The following FAM9A variants were observed in gnomAD, a reference collection of about 807,000 sequenced individuals.
FAM9A encodes protein FAM9A.
Under a neutral mutation model 25.0 loss-of-function variants are expected in FAM9A, and 49 were observed. The observed-to-expected ratio is 1.96, with a 90% CI of 1.56 to 2.48. The LOEUF is 2.48. Among genes scored for constraint, FAM9A ranks in the 30% most tolerant of loss-of-function variants. The pLI, the probability that FAM9A is intolerant of heterozygous loss-of-function variation, is 0.00. For synonymous variants in FAM9A, 80 were observed against 85.1 expected (o/e 0.94, Z 0.33); for missense variants, 266 against 249.3 (o/e 1.07, Z -0.45).
chrX:8,794,458 GATAA>G (rs1470175748), intron 7 of FAM9A, among the ~76,000 whole-genome samples: 1 of 111,690 alleles, frequency 9.0e-6, no homozygotes, highest in South Asian at 3.8e-4. Flanking sequence ...TCGGCACAGA[GATAA>G]ATAATTTGCC....
At chrX:8,793,262 T>C (rs1468973382) in intron 8 of FAM9A, among the ~76,000 whole-genome samples, 4 of 112,301 alleles carry the variant, frequency 3.6e-5, no homozygotes, top group Non-Finnish European at 7.5e-5. Flanking sequence ...CATTTATGCC[T>C]AGTGTTCCAT....
rs1933516305 is a variant in FAM9A, at chrX:8,795,221, CCTCCTCCTT to C, written c.679_687del (p.Lys227_Glu229del). The C allele has an allele frequency of 2.7e-6, 3 of 1,104,458 alleles. No individual in the cohort carries two copies. The highest frequency in any genetic ancestry group is 2.4e-6 in the Non-Finnish European group (2 of 818,609). The allele number at this position is 1,104,458 out of a possible 1,213,427, so 91.0% of individuals were successfully genotyped here. On this transcript the variant is annotated inframe_deletion, in exon 7 of 10. Transcript: ENST00000381003. ...TCTTCCTCCTCTTCTTTCTCCTCCT[CCTCCTCCTT>C]CTCTTCCTCCTCTTCGTCTTCTACT...
Position 8,799,077 on chromosome X carries a change from T to G in FAM9A, c.109A>C (p.Asn37His), listed in dbSNP as rs747563355. Reference sequence around the variant, plus strand: ...TCCATGGTTGGCTGTCCTGGGAAGTTAGAGGCGATCCCTGAACCTGGTTGA... The same window carrying G: ...TCCATGGTTGGCTGTCCTGGGAAGTGAGAGGCGATCCCTGAACCTGGTTGA... Reference protein sequence around the residue: ...ATKEGSGIASNFPGQPTMEPV... With the variant: ...ATKEGSGIASHFPGQPTMEPV... The change falls in exon 3 of 10, where the codon AAC (asparagine) becomes CAC (histidine). Residue 37 changes from asparagine to histidine, a missense_variant. By Grantham distance (68) the Asn-to-His change is moderately conservative. Transcript: ENST00000381003. 5.8e-6 allele frequency: 7 copies of G among 1,209,134 alleles called. No individual in the cohort carries two copies. In the African/African-American group the frequency reaches 1.2e-4, roughly 21 times the overall value.
chrX:8,798,877 G>A lies in FAM9A; in HGVS notation c.220+89C>T, dbSNP rs1233856432. ...AAGCCACGAAGGGGCCAGGGGTCTC[G>A]GGCTGCCCATGTGCCTCCCGCGCAA... On this transcript the variant is annotated intron_variant, in intron 3 of 9. Coordinates refer to ENST00000381003, the MANE Select transcript of FAM9A (RefSeq NM_174951.3). 7.6e-6 allele frequency: 9 copies of A among 1,179,254 alleles called. No homozygotes were observed. In the South Asian group the frequency reaches 1.3e-4, roughly 18 times the overall value.
Position 8,795,151 on chromosome X carries a change from CCTCCTT to C in FAM9A, c.752_757del (p.Glu251_Gly252del). 4.7e-6 allele frequency: 5 copies of C among 1,071,608 alleles called. No individual in the cohort carries two copies. The highest frequency in any genetic ancestry group is 6.4e-6 in the Non-Finnish European group (5 of 786,842). 88.3% of individuals were successfully genotyped at this position (1,071,608 alleles called of 1,213,427 possible). A position where few individuals can be genotyped will look rare whatever the true frequency, so the allele number is the denominator to read the frequency against. On this transcript the variant is annotated inframe_deletion, in exon 7 of 10. Transcript: ENST00000381003. ...TGTTTCTTCTCCTTCTCCTCCTCCT[CCTCCTT>C]CTTCTCCTTCTTCTCCTCCTCCTTC...
intron 8 of FAM9A, among the ~76,000 whole-genome samples, chrX:8,792,844 T>C (rs1210130445): frequency 5.3e-5 from 6 of 112,371 alleles, no homozygotes; most frequent in Non-Finnish European, 9.4e-5. Context: ...GGGAATTCCA[T>C]TGTTACCTAA....
At chrX:8,798,574 C>T (rs745458725) in intron 3 of FAM9A, 95 bp from the exon 4 acceptor site, 55 of 1,144,640 alleles carry the variant, frequency 4.8e-5, no homozygotes, top group Non-Finnish European at 5.9e-5. Context: ...ACTTTTTTGG[C>T]TCTCTACCAA....
intron 7 of FAM9A, among the ~76,000 whole-genome samples, chrX:8,794,131 A>C (rs999099753): frequency 2.7e-5 from 3 of 111,866 alleles, no homozygotes; most frequent in African/African-American, 9.7e-5. Context: ...ACAGGTAATA[A>C]ATCTTGGTCA....
rs1420549151 is a variant in FAM9A at position 8,799,034 on chromosome X, C to A, written c.152G>T (p.Arg51Leu). The part of the protein sequence containing the change: ...QPTMEPVGRK[R>L]SRKAAKAQLE... ...CTGAGCTTTGGCAGCCTTCCTGCTG[C>A]GCTTCCTGCCCACGGGCTCCATGGT... The change falls in exon 3 of 10, where the codon CGC (arginine) becomes CTC (leucine). Residue 51 changes from arginine (R) to leucine (L), a missense_variant. Transcript: ENST00000381003. 8.3e-7 allele frequency: 1 copy of A among 1,211,541 alleles called. No individual in the cohort carries two copies. Among genetic ancestry groups the A allele is most frequent in the Non-Finnish European group, 1.1e-6 (1 of 895,494 alleles).
At position 8,793,682 on chromosome X, in the gene FAM9A, C is replaced by G; in HGVS notation, c.906G>C (p.Lys302Asn). The G allele has an allele frequency of 8.3e-7, 1 of 1,210,627 alleles. No homozygotes were observed. Among genetic ancestry groups the G allele is most frequent in the South Asian group, 1.8e-5 (1 of 56,832 alleles). Residue 302 changes from lysine (K) to asparagine (N), a missense_variant, in exon 8 of 10, where the codon AAG (lysine) becomes AAC (asparagine). Lys to Asn is a moderately conservative substitution (Grantham distance 94, BLOSUM62 0). Transcript: ENST00000381003. ...GVRSWRLREM[K>N]PLLEQLLKAA... ...CCTTTAGTAATTGCTCAAGTAGCGG[C>G]TTCATCTCTCTCAGCCTCCAGCTCC... is the stretch of plus-strand genomic sequence containing the variant.
chrX:8,796,894 G>A (rs923186868), intron 5 of FAM9A, among the ~76,000 whole-genome samples: 3 of 111,918 alleles, frequency 2.7e-5, no homozygotes, highest in African/African-American at 6.5e-5. Flanking sequence ...AAGAAGCATC[G>A]TCCATGGGTA....
At position 8,795,254 on chromosome X, in the gene FAM9A, C is replaced by G; in HGVS notation, c.655G>C (p.Val219Leu). The G allele has an allele frequency of 3.4e-6, 4 of 1,174,368 alleles. No individual in the cohort carries two copies. Among genetic ancestry groups the G allele is most frequent in the Non-Finnish European group, 4.6e-6 (4 of 872,148 alleles). Residue 219 changes from valine to leucine, a missense_variant, in exon 7 of 10, where the codon GTA becomes CTA. Val to Leu is a conservative substitution (Grantham distance 32). Coordinates refer to ENST00000381003, the MANE Select transcript of FAM9A (RefSeq NM_174951.3). ...TTCTCTTCCTCCTCTTCGTCTTCTA[C>G]TACTATTACTTCTGCTGCTGCTGCT... ...AAAAAAEVIV[V>L]EDEEEEEKEE...
intron 7 of FAM9A, 107 bp downstream of exon 7, chrX:8,794,971 T>A: frequency 9.1e-7 from 1 of 1,095,943 alleles, no homozygotes; most frequent in East Asian, 3.0e-5. Flanking sequence ...TGGGCCCCCC[T>A]CTCTGGGCTC....
At chrX:8,792,843 A>G (rs1286585718) in intron 8 of FAM9A, among the ~76,000 whole-genome samples, 1 of 112,386 alleles carries the variant, frequency 8.9e-6, no homozygotes, top group Non-Finnish European at 1.9e-5. Flanking sequence ...AGGGAATTCC[A>G]TTGTTACCTA....
chrX:8,795,174 T>C lies in FAM9A; in HGVS notation c.735A>G (p.Gly245=), dbSNP rs369496595. 1.1e-5 allele frequency: 12 copies of C among 1,044,034 alleles called. No homozygotes were observed. The highest frequency in any genetic ancestry group is 1.6e-5 in the Non-Finnish European group (12 of 767,604). The allele number at this position is 1,044,034 out of a possible 1,213,427, so 86.0% of individuals were successfully genotyped here. Residue 245 remains glycine (G), a synonymous_variant, in exon 7 of 10, where the codon GGA becomes GGG. Coordinates refer to ENST00000381003, the MANE Select transcript of FAM9A (RefSeq NM_174951.3). ...CTCCTCCTTCTTCTCCTTCTTCTCC[T>C]CCTCCTTCTTCTTCTCCTTCTTCTT... The part of the protein sequence containing the change: ...EEEEEGEEEG[G]GEEGEEGGGG...
chrX:8,799,220 G>A lies in FAM9A; in HGVS notation c.92-126C>T, dbSNP rs918107861. The A allele has an allele frequency of 8.9e-4, 845 of 944,284 alleles. 1 individual carries two copies. Among genetic ancestry groups the A allele is most frequent in the Non-Finnish European group, 9.3e-4 (647 of 699,361 alleles). 77.8% of individuals were successfully genotyped at this position (944,284 alleles called of 1,213,427 possible). On this transcript the variant is annotated intron_variant, in intron 2 of 9. Transcript: ENST00000381003. Reference sequence around the variant, plus strand: ...CCCCGTGTATCCTGTGGGAGCAGGAGGGGATGGAGAAGATGCCAGTGTCCC... The same window carrying A: ...CCCCGTGTATCCTGTGGGAGCAGGAAGGGATGGAGAAGATGCCAGTGTCCC...
intron 5 of FAM9A, among the ~76,000 whole-genome samples, chrX:8,797,299 G>A (rs1933545264): frequency 9.0e-6 from 1 of 111,690 alleles, no homozygotes; most frequent in East Asian, 2.8e-4. Context: ...CGTCTCTACA[G>A]AAATTTTCTC....
chrX:8,793,646 A>G lies in FAM9A; in HGVS notation c.930+12T>C. On this transcript the variant is annotated intron_variant, in intron 8 of 9. Transcript: ENST00000381003. ...TATTTTATAATGTATTATGTTACCAAATAGAACAGACCTTTAGTAATTGCT... is the reference window on the plus strand; with the variant it reads ...TATTTTATAATGTATTATGTTACCAGATAGAACAGACCTTTAGTAATTGCT... 8.4e-7 allele frequency: 1 copy of G among 1,186,465 alleles called. No individual in the cohort carries two copies. Among genetic ancestry groups the G allele is most frequent in the Non-Finnish European group, 1.1e-6 (1 of 873,011 alleles).
At chrX:8,796,810 ATAACT>A (rs1200792383) in intron 5 of FAM9A, among the ~76,000 whole-genome samples, 1 of 112,364 alleles carries the variant, frequency 8.9e-6, no homozygotes, top group African/African-American at 3.2e-5. Flanking sequence ...AAGGGTAGAA[ATAACT>A]TAGTACACAA....
Sources: allele counts gnomAD v4.1 joint callset (sites outside exome capture counted in the v4.1 genomes callset), GRCh38; gene constraint gnomAD v4.1.1; transcripts MANE v1.5; gene names NCBI Gene and HGNC (gene_info 2026-07-23, HGNC 2026-07-21).